Variants in COL4A2 observed in about 807,000 individuals in gnomAD.
The protein encoded by COL4A2 is collagen alpha-2(IV) chain.
A neutral mutation model predicts 200.2 loss-of-function variants in COL4A2; 99 were observed. The ratio of observed to expected loss-of-function variants is 0.49; its 90% CI spans 0.42 to 0.58. The LOEUF (loss-of-function observed/expected upper bound fraction) is 0.58, where lower values mean the gene tolerates loss of function less well. Among genes scored for constraint, COL4A2 ranks in the 20% least tolerant of loss-of-function variants. The pLI is 0.00. For missense variants in COL4A2, 1,950 were observed against 2,314.1 expected (o/e 0.84, Z 3.23); for synonymous variants, 897 against 900.6 (o/e 1.00, Z 0.07).
intron 3 of COL4A2, among the ~76,000 whole-genome samples, chr13:110,311,554 G>T (rs1471010775): frequency 6.6e-6 from 1 of 152,156 alleles, no homozygotes; most frequent in East Asian, 1.9e-4. Context: ...CTCATAGATG[G>T]GGGTGCTGTG....
intron 3 of COL4A2, among the ~76,000 whole-genome samples, chr13:110,340,452 A>G (rs1316322325): frequency 2.0e-5 from 3 of 152,210 alleles, no homozygotes; most frequent in Non-Finnish European, 4.4e-5. Context: ...ACCTTTCCAA[A>G]GACTTCATTC....
intron 41 of COL4A2, 129 bp from the exon 42 acceptor site, chr13:110,502,992 T>C: frequency 5.9e-6 from 5 of 853,992 alleles, no homozygotes; most frequent in Non-Finnish European, 9.5e-6. Context: ...TTTAAAAACA[T>C]AGACAAAGTC....
rs1193270333 is a variant in COL4A2, at chr13:110,385,931, TACAGCGTGTGGATGGGCCGTGGTC to T, written c.180+28451_180+28474del. ...TTACAGCGTGTGGATGGGCCGTGGT[TACAGCGTGTGGATGGGCCGTGGTC>T]ACAGCGTGTGGATGGGCCGTGGTCA... is the stretch of plus-strand genomic sequence containing the variant. On this transcript the variant is annotated intron_variant, in intron 4 of 47. Coordinates refer to ENST00000360467, the MANE Select transcript of COL4A2 (RefSeq NM_001846.4). Among the ~76,000 whole-genome samples, 31 of 85,626 alleles carry T rather than the reference TACAGCGTGTGGATGGGCCGTGGTC, an allele frequency of 3.6e-4. 1 individual carries two copies. The highest frequency in any genetic ancestry group is 1.0e-3 in the African/African-American group (26 of 25,582). The allele number at this position is 85,626 out of a possible 152,430, so 56.2% of individuals were successfully genotyped here. A position where few individuals can be genotyped will look rare whatever the true frequency, so the allele number is the denominator to read the frequency against.
intron 4 of COL4A2, among the ~76,000 whole-genome samples, 181 bp from the exon 5 acceptor site, chr13:110,424,553 A>C (rs1448649398): frequency 6.6e-6 from 1 of 151,006 alleles, no homozygotes. Context: ...TTCTCTTCTT[A>C]AACTCTATGA....
At chr13:110,344,731 C>G (rs1229171037) in intron 3 of COL4A2, among the ~76,000 whole-genome samples, 1 of 152,234 alleles carries the variant, frequency 6.6e-6, no homozygotes, top group Non-Finnish European at 1.5e-5. Flanking sequence ...TCTTCCCAAT[C>G]TTTGGTCATC....
chr13:110,474,550 G>T (rs191483436), intron 29 of COL4A2, among the ~76,000 whole-genome samples: 13 of 127,678 alleles, frequency 1.0e-4, no homozygotes, highest in Non-Finnish European at 1.4e-4. Context: ...CAGAGTGCAT[G>T]CATGCACACA....
chr13:110,337,020 G>A (rs1394624338), intron 3 of COL4A2, among the ~76,000 whole-genome samples: 3 of 152,226 alleles, frequency 2.0e-5, no homozygotes, highest in Non-Finnish European at 4.4e-5. Context: ...GCACTGGTTA[G>A]CAATGCAGTT....
intron 10 of COL4A2, 47 bp from the exon 11 acceptor site, chr13:110,432,278 T>A: frequency 1.3e-6 from 2 of 1,582,196 alleles, no homozygotes; most frequent in Non-Finnish European, 1.7e-6. Flanking sequence ...GTTATCTGGG[T>A]CCTGGGGTAA....
intron 3 of COL4A2, among the ~76,000 whole-genome samples, chr13:110,313,908 G>A (rs1442130603): frequency 6.6e-6 from 1 of 152,180 alleles, no homozygotes; most frequent in African/African-American, 2.4e-5. Flanking sequence ...CCTGTCTCCT[G>A]AGCTCCTGGC....
chr13:110,488,306 T>G (rs959831930), intron 34 of COL4A2, among the ~76,000 whole-genome samples: 3 of 152,232 alleles, frequency 2.0e-5, no homozygotes, highest in African/African-American at 7.2e-5. Context: ...ATTCTAGGCC[T>G]GAGCCACCAC....
chr13:110,311,895 G>A (rs1243591377), intron 3 of COL4A2, among the ~76,000 whole-genome samples: 1 of 152,202 alleles, frequency 6.6e-6, no homozygotes, highest in Non-Finnish European at 1.5e-5. Flanking sequence ...TGTCCTCGGG[G>A]CTCCAGCCCC....
At chr13:110,343,824 T>A (rs1233516561) in intron 3 of COL4A2, among the ~76,000 whole-genome samples, 1 of 152,176 alleles carries the variant, frequency 6.6e-6, no homozygotes, top group South Asian at 2.1e-4. Flanking sequence ...TCTCCCAAAT[T>A]TAGCACAGAG....
chr13:110,323,194 C>A (rs962966731), intron 3 of COL4A2, among the ~76,000 whole-genome samples: 16 of 152,226 alleles, frequency 1.1e-4, no homozygotes, highest in Admixed American at 2.0e-4. Context: ...GAGCTACATT[C>A]CCCAGAGTTC....
At chr13:110,417,247 G>A (rs1208871335) in intron 4 of COL4A2, among the ~76,000 whole-genome samples, 2 of 152,060 alleles carry the variant, frequency 1.3e-5, no homozygotes, top group East Asian at 1.9e-4. Flanking sequence ...GAGCCATCCC[G>A]CCCAGCCCCT....
chr13:110,472,858 C>G (rs1051986047), intron 28 of COL4A2, 71 bp from the exon 29 acceptor site: 9 of 1,467,322 alleles, frequency 6.1e-6, no homozygotes, highest in Non-Finnish European at 9.3e-7. Flanking sequence ...TTTCCAGCCT[C>G]TTTTTGACTC....
At chr13:110,489,580 AG>A in intron 35 of COL4A2, 72 bp downstream of exon 35, 1 of 1,590,040 alleles carries the variant, frequency 6.3e-7, no homozygotes, top group Non-Finnish European at 8.6e-7. Flanking sequence ...AGCCAATTTC[AG>A]ACCTGCAAGT....
chr13:110,380,316 A>C (rs767775567), intron 4 of COL4A2, among the ~76,000 whole-genome samples: 3 of 152,234 alleles, frequency 2.0e-5, no homozygotes, highest in Non-Finnish European at 4.4e-5. Context: ...CAGCATGGAC[A>C]TGAGTTATCA....
chr13:110,362,453 A>G (rs1206480984), intron 4 of COL4A2, among the ~76,000 whole-genome samples: 2 of 151,560 alleles, frequency 1.3e-5, no homozygotes, highest in Non-Finnish European at 2.9e-5. Flanking sequence ...AGCTGGAACT[A>G]TAGGCATGCA....
At chr13:110,393,876 C>A (rs930452760) in intron 4 of COL4A2, among the ~76,000 whole-genome samples, 3 of 149,948 alleles carry the variant, frequency 2.0e-5, no homozygotes, top group South Asian at 4.2e-4. Context: ...GAGATGCTGT[C>A]AAAAAAAAAA....
Sources: gnomAD v4.1 joint callset for allele counts (sites outside exome capture counted in the v4.1 genomes callset) on GRCh38, gnomAD v4.1.1 for gene constraint, MANE v1.5 for transcripts, NCBI Gene and HGNC (gene_info 2026-07-23, HGNC 2026-07-21) for gene names.